The following ZNF432 variants were observed in gnomAD, a reference collection of about 807,000 sequenced individuals.
ZNF432 encodes the protein zinc finger protein 432.
A neutral mutation model predicts 13.9 loss-of-function variants in ZNF432; 10 were observed. That is an observed-to-expected ratio of 0.72 (90% CI 0.44 to 1.22). The LOEUF (loss-of-function observed/expected upper bound fraction) is 1.22, where lower values mean the gene tolerates loss of function less well. ZNF432 is among the 50% of genes most tolerant of loss of function. The pLI is 0.00. For synonymous variants in ZNF432, 247 were observed against 256.2 expected (o/e 0.96, Z 0.34); for missense variants, 793 against 796.2 (o/e 1.00, Z 0.05).
At chr19:52,048,178 C>A (rs1166354893) in intron 1 of ZNF432, among the ~76,000 whole-genome samples, 6 of 143,928 alleles carry the variant, frequency 4.2e-5, no homozygotes, top group African/African-American at 1.7e-4. Flanking sequence ...CACACACACA[C>A]ACACAAAACC....
intron 2 of ZNF432, among the ~76,000 whole-genome samples, chr19:52,045,046 A>T (rs1051243491): frequency 2.6e-5 from 4 of 152,180 alleles, no homozygotes; most frequent in African/African-American, 9.7e-5. Context: ...AAAATTTACA[A>T]ATTTGTGTTG....
chr19:52,035,520 T>G, intron 4 of ZNF432, 80 bp from the exon 5 acceptor site: 1 of 1,110,102 alleles, frequency 9.0e-7, no homozygotes, highest in Non-Finnish European at 1.2e-6. Flanking sequence ...AAATCCTTGG[T>G]GTTTTATTTT....
rs550107441 is a variant in ZNF432 at position 52,040,809 on chromosome 19, CAAT to C, written c.143-229_143-227del. Among the ~76,000 whole-genome samples, 7 of 151,358 alleles carry C rather than the reference CAAT, an allele frequency of 4.6e-5. No individual in the cohort carries two copies. The South Asian group carries it at 1.3e-3, about 27-fold the overall frequency. On this transcript the variant is annotated intron_variant, in intron 3 of 4. Coordinates refer to ENST00000221315, the MANE Select transcript of ZNF432 (RefSeq NM_014650.4). Reference sequence around the variant, plus strand: ...ATTTTTTAAAAAACAATAAAAAATACAATAATAAAAAAAAATACAAAGTGCAGT... The same window carrying C: ...ATTTTTTAAAAAACAATAAAAAATACAATAAAAAAAAATACAAAGTGCAGT...
chr19:52,044,693 T>C (rs2087165653), intron 2 of ZNF432, among the ~76,000 whole-genome samples: 1 of 152,208 alleles, frequency 6.6e-6, no homozygotes, highest in Non-Finnish European at 1.5e-5. Context: ...TTGAAAATTG[T>C]ATAATTTGAT....
In ZNF432 at chr19:52,040,952, A is replaced by C. The variant is rs552906561; in HGVS notation, c.143-369T>G. Among the ~76,000 whole-genome samples, 13 of 151,948 alleles carry C rather than the reference A, an allele frequency of 8.6e-5. No homozygotes were observed. The East Asian group carries it at 2.5e-3, about 30-fold the overall frequency. Reference sequence around the variant, plus strand: ...ACTCCATCTCTACAAAAAAAAAAAAAAATTAGCCAAGCATGGTGGTTTGCA... The same window carrying C: ...ACTCCATCTCTACAAAAAAAAAAAACAATTAGCCAAGCATGGTGGTTTGCA... On this transcript the variant is annotated intron_variant, in intron 3 of 4. Transcript: ENST00000221315.
At position 52,041,573 on chromosome 19, in the gene ZNF432, A is replaced by T; in HGVS notation, c.49T>A (p.Phe17Ile). Residue 17 changes from phenylalanine (F) to isoleucine (I), a missense_variant, in exon 3 of 5, where the codon TTC becomes ATC. Phe to Ile is a conservative substitution (Grantham distance 21, BLOSUM62 0). Coordinates refer to ENST00000221315, the MANE Select transcript of ZNF432 (RefSeq NM_014650.4). ...LLTLEDVTVE[F>I]TWEEWQLLGP... ...AGGAGCTGCCACTCCTCCCAGGTGA[A>T]CTCCACAGTAACATCCTCCAGTGTC... 6.2e-7 allele frequency: 1 copy of T among 1,613,956 alleles called. No individual in the cohort carries two copies. Among genetic ancestry groups the T allele is most frequent in the Non-Finnish European group, 8.5e-7 (1 of 1,179,934 alleles).
At chr19:52,038,898 G>GT (rs2087108656) in intron 4 of ZNF432, among the ~76,000 whole-genome samples, 1 of 152,238 alleles carries the variant, frequency 6.6e-6, no homozygotes. Context: ...CCACTGGACA[G>GT]TTTAACAATA....
intron 2 of ZNF432, among the ~76,000 whole-genome samples, chr19:52,043,791 A>G (rs1369958236): frequency 6.6e-6 from 1 of 152,256 alleles, no homozygotes; most frequent in Non-Finnish European, 1.5e-5. Context: ...CGTATCTAAA[A>G]GCACAGCACT....
intron 2 of ZNF432, among the ~76,000 whole-genome samples, chr19:52,043,556 G>A (rs899958760): frequency 6.6e-6 from 1 of 151,934 alleles, no homozygotes; most frequent in East Asian, 1.9e-4. Context: ...ACCCGTAAAG[G>A]GTCTGTGCTG....
chr19:52,046,880 G>A lies in ZNF432; in HGVS notation c.-12C>T. On this transcript the variant is annotated 5_prime_UTR_variant, in exon 2 of 5. Coordinates refer to ENST00000221315, the MANE Select transcript of ZNF432 (RefSeq NM_014650.4). ...TGGGCATTGATCATTTTCTTCTGTT[G>A]TGGGAAATGGCCAGCACCTGGGATA... 1 of 1,613,180 alleles carries A rather than the reference G, an allele frequency of 6.2e-7. No individual in the cohort carries two copies. Among genetic ancestry groups the A allele is most frequent in the Non-Finnish European group, 8.5e-7 (1 of 1,179,516 alleles).
At chr19:52,044,390 G>C (rs1305311014) in intron 2 of ZNF432, among the ~76,000 whole-genome samples, 1 of 151,246 alleles carries the variant, frequency 6.6e-6, no homozygotes, top group African/African-American at 2.4e-5. Flanking sequence ...GAAAAAAAAG[G>C]GACAAATTTT....
Position 52,033,940 on chromosome 19 carries a change from T to C in ZNF432, c.1739A>G (p.Lys580Arg). The change falls in exon 5 of 5, where the codon AAG (lysine) becomes AGG (arginine). Residue 580 changes from lysine to arginine, a missense_variant. Transcript: ENST00000221315. ...ICSECGRGFA[K>R]ETELALHKQV... The stretch of plus-strand genomic sequence containing the variant: ...CTTATGTAAAGCAAGCTCTGTTTCC[T>C]TGGCAAAGCCTCTTCCACATTCACT... The C allele has an allele frequency of 6.2e-7, 1 of 1,613,848 alleles. No homozygotes were observed. Among genetic ancestry groups the C allele is most frequent in the Non-Finnish European group, 8.5e-7 (1 of 1,179,884 alleles).
Position 52,034,581 on chromosome 19 carries a change from A to G in ZNF432, c.1098T>C (p.Asn366=). The change falls in exon 5 of 5, where the codon AAT becomes AAC. Residue 366 remains asparagine, a synonymous_variant. Coordinates refer to ENST00000221315, the MANE Select transcript of ZNF432 (RefSeq NM_014650.4). ...ATATATATGGTTTCTCTCCTGTATG[A>G]TTTCGTTGATGTATGATGACATAGT... ...TKHYVIIHQR[N]HTGEKPYICN... is the part of the protein sequence containing the mutation. 2 of 1,612,902 alleles carry G rather than the reference A, an allele frequency of 1.2e-6. No homozygotes were observed. The highest frequency in any genetic ancestry group is 1.7e-6 in the Non-Finnish European group (2 of 1,179,862).
At chr19:52,044,057 T>C (rs1018762166) in intron 2 of ZNF432, among the ~76,000 whole-genome samples, 10 of 152,056 alleles carry the variant, frequency 6.6e-5, no homozygotes, top group Non-Finnish European at 1.0e-4. Flanking sequence ...CGTTCCACCT[T>C]ACGAGAAACA....
Position 52,040,595 on chromosome 19 carries a change from A to C in ZNF432, c.143-12T>G, listed in dbSNP as rs1437360956. ...GCTGACTTGATAACCTGTTTACGGG[A>C]AATAATAGAAGACAGACACACTGGA... On this transcript the variant is annotated splice_polypyrimidine_tract_variant and intron_variant, in intron 3 of 4. Transcript: ENST00000221315. The C allele has an allele frequency of 6.2e-7, 1 of 1,611,000 alleles. No homozygotes were observed. The highest frequency in any genetic ancestry group is 1.3e-5 in the African/African-American group (1 of 74,948).
In ZNF432 at chr19:52,034,206, C is replaced by T. The variant is rs751736551; in HGVS notation, c.1473G>A (p.Gly491=). 3 of 1,613,496 alleles carry T rather than the reference C, an allele frequency of 1.9e-6. No individual in the cohort carries two copies. Among genetic ancestry groups the T allele is most frequent in the Non-Finnish European group, 2.5e-6 (3 of 1,179,864 alleles). Reference sequence around the variant, plus strand: ...GTCCGCTATTCACAATGAAACCTTTCCCACATTCACTGCACCTGTAAGGTT... The same window carrying T: ...GTCCGCTATTCACAATGAAACCTTTTCCACATTCACTGCACCTGTAAGGTT... ...GEKPYRCSEC[G]KGFIVNSGLM... The change falls in exon 5 of 5, where the codon GGG becomes GGA. Residue 491 remains glycine (G), a synonymous_variant. Coordinates refer to ENST00000221315, the MANE Select transcript of ZNF432 (RefSeq NM_014650.4).
intron 2 of ZNF432, among the ~76,000 whole-genome samples, chr19:52,043,480 C>T (rs1441628743): frequency 6.6e-6 from 1 of 151,966 alleles, no homozygotes; most frequent in African/African-American, 2.4e-5. Flanking sequence ...CAAGGTTTCT[C>T]CCCATGTGAT....
At chr19:52,043,396 A>C (rs1391858383) in intron 2 of ZNF432, among the ~76,000 whole-genome samples, 1 of 152,110 alleles carries the variant, frequency 6.6e-6, no homozygotes, top group African/African-American at 2.4e-5. Flanking sequence ...ACCACTCCCT[A>C]ATCTCAAGTA....
In ZNF432 at chr19:52,035,020, A is replaced by G. The variant is rs2087063127; in HGVS notation, c.659T>C (p.Leu220Pro). The G allele has an allele frequency of 6.2e-7, 1 of 1,614,028 alleles. No individual in the cohort carries two copies. Among genetic ancestry groups the G allele is most frequent in the Non-Finnish European group, 8.5e-7 (1 of 1,180,024 alleles). Residue 220 changes from leucine (L) to proline (P), a missense_variant, in exon 5 of 5, where the codon CTC becomes CCC. Transcript: ENST00000221315. The part of the protein sequence containing the change: ...CGKAFVKKSQ[L>P]TDHERVHTGE... ...TGTATGAACTCTCTCATGATCAGTG[A>G]GCTGAGACTTCTTGACAAACGCTTT...
Sources: gnomAD v4.1 joint callset for allele counts (sites outside exome capture counted in the v4.1 genomes callset) on GRCh38, gnomAD v4.1.1 for gene constraint, MANE v1.5 for transcripts, NCBI Gene and HGNC (gene_info 2026-07-23, HGNC 2026-07-21) for gene names.